The following EML5 variants were observed in gnomAD, a reference collection of about 807,000 sequenced individuals.
The protein encoded by EML5 is EMAP like 5, also known as echinoderm microtubule-associated protein-like 5.
In EML5, 120 loss-of-function variants were observed where a neutral mutation model predicts 250.0. The ratio of observed to expected loss-of-function variants is 0.48; its 90% CI spans 0.41 to 0.56. The LOEUF (loss-of-function observed/expected upper bound fraction) is 0.56, where lower values mean the gene tolerates loss of function less well. Among genes scored for constraint, EML5 ranks in the 20% least tolerant of loss-of-function variants. EML5 has a pLI of 0.00. For synonymous variants in EML5, 771 were observed against 806.5 expected, an observed-to-expected ratio of 0.96 and a Z score of 0.75; for missense variants, 2,006 against 2,437.6, an observed-to-expected ratio of 0.82 and a Z score of 3.73.
At chr14:88,689,547 A>ATTCCTTCCTTCC (rs200722411) in intron 17 of EML5, among the ~76,000 whole-genome samples, 1 of 152,000 alleles carries the variant, frequency 6.6e-6, no homozygotes, top group Admixed American at 6.6e-5. Context: ...GGACTCACAA[A>ATTCCTTCCTTCC]TTCCTTCCTT....
intron 23 of EML5, among the ~76,000 whole-genome samples, chr14:88,663,497 C>T (rs571841381): frequency 6.6e-6 from 1 of 152,054 alleles, no homozygotes; most frequent in South Asian, 2.1e-4. Flanking sequence ...ACAATAACAT[C>T]CTTAAAAAGA....
rs1452219634 is a variant in EML5, at chr14:88,712,312, T to G, written c.1616A>C (p.Tyr539Ser). The G allele has an allele frequency of 1.2e-6, 2 of 1,612,296 alleles. No homozygotes were observed. Among genetic ancestry groups the G allele is most frequent in the Admixed American group, 3.3e-5 (2 of 59,996 alleles). ...ATATCGGAATAATTTTATAATTCCA[T>G]AGTCATCAGCTGTAACTAAAACTTG... ...IGQVLVTADD[Y>S]GIIKLFRYPC... is the part of the protein sequence containing the mutation. Residue 539 changes from tyrosine to serine, a missense_variant, in exon 10 of 44, where the codon TAT (tyrosine) becomes TCT (serine). By Grantham distance (144) the Tyr-to-Ser change is moderately radical. Coordinates refer to ENST00000554922, the MANE Select transcript of EML5 (RefSeq NM_183387.3).
intron 1 of EML5, among the ~76,000 whole-genome samples, chr14:88,762,402 C>T (rs907705863): frequency 2.0e-5 from 3 of 151,828 alleles, no homozygotes; most frequent in Non-Finnish European, 4.4e-5. Flanking sequence ...CCCAGCTACT[C>T]GGGAGGCTGA....
chr14:88,659,365 C>T (rs536627802), intron 25 of EML5, among the ~76,000 whole-genome samples: 5 of 152,020 alleles, frequency 3.3e-5, no homozygotes, highest in South Asian at 2.1e-4. Context: ...GACCCGCCAC[C>T]GTGCCCAGCT....
chr14:88,624,676 C>T (rs2089644219), intron 36 of EML5: 1 of 277,504 alleles, frequency 3.6e-6, no homozygotes, highest in Non-Finnish European at 6.7e-6. Flanking sequence ...GCCTCCTACT[C>T]AGCAAATCAT....
chr14:88,731,115 A>G (rs966193147), intron 7 of EML5, among the ~76,000 whole-genome samples: 1 of 152,128 alleles, frequency 6.6e-6, no homozygotes, highest in African/African-American at 2.4e-5. Context: ...ACATGTGTAC[A>G]ATGTGCAGGT....
At chr14:88,773,246 G>T (rs1219564190) in intron 1 of EML5, among the ~76,000 whole-genome samples, 1 of 152,162 alleles carries the variant, frequency 6.6e-6, no homozygotes, top group Non-Finnish European at 1.5e-5. Flanking sequence ...GACCTTCCAG[G>T]TTCCCTGTGA....
chr14:88,728,685 C>G (rs2093705384), intron 7 of EML5, among the ~76,000 whole-genome samples: 1 of 151,970 alleles, frequency 6.6e-6, no homozygotes, highest in African/African-American at 2.4e-5. Flanking sequence ...GAAAATCCAC[C>G]TATAAGTGGA....
rs564764019 is a variant in EML5, at chr14:88,627,544, G to C, written c.4531+102C>G. The C allele has an allele frequency of 1.1e-4, 134 of 1,217,380 alleles. No individual in the cohort carries two copies. In the Admixed American group the frequency reaches 3.5e-3, roughly 31 times the overall value. 75.4% of individuals were successfully genotyped at this position (1,217,380 alleles called of 1,614,324 possible). On this transcript the variant is annotated intron_variant, in intron 34 of 43. Transcript: ENST00000554922. The stretch of plus-strand genomic sequence containing the variant: ...TATATTGCATAGGCCTCCACTGAAT[G>C]ATTGTTTCAACCACCAACTTTAAGA...
At chr14:88,764,325 C>A (rs1487007341) in intron 1 of EML5, among the ~76,000 whole-genome samples, 1 of 152,118 alleles carries the variant, frequency 6.6e-6, no homozygotes, top group Non-Finnish European at 1.5e-5. Flanking sequence ...GAATTGGAAT[C>A]ATTTATTCTT....
chr14:88,673,649 C>T (rs977620713), intron 21 of EML5, among the ~76,000 whole-genome samples: 2 of 152,182 alleles, frequency 1.3e-5, no homozygotes, highest in African/African-American at 2.4e-5. Context: ...AGCCCAAAAG[C>T]TTCTTAAGCT....
intron 5 of EML5, 89 bp from the exon 6 acceptor site, chr14:88,739,103 C>A: frequency 7.9e-7 from 1 of 1,266,014 alleles, no homozygotes. Context: ...ACCAATTTAA[C>A]AATATTTTGG....
At chr14:88,688,958 T>C (rs148353591) in intron 17 of EML5, among the ~76,000 whole-genome samples, 83 of 152,350 alleles carry the variant, frequency 5.4e-4, no homozygotes, top group African/African-American at 1.9e-3. Flanking sequence ...AGCAATCTCA[T>C]TTTTCATGTT....
At chr14:88,698,317 G>C (rs1023993842) in intron 14 of EML5, among the ~76,000 whole-genome samples, 3 of 138,778 alleles carry the variant, frequency 2.2e-5, no homozygotes, top group African/African-American at 8.3e-5. Context: ...CCCTGCTGAA[G>C]TGAAATGGCA....
Position 88,615,587 on chromosome 14 carries a change from C to G in EML5, c.*231G>C. 1 of 469,518 alleles carries G rather than the reference C, an allele frequency of 2.1e-6. No homozygotes were observed. Among genetic ancestry groups the G allele is most frequent in the Non-Finnish European group, 3.7e-6 (1 of 267,884 alleles). 29.1% of individuals were successfully genotyped at this position (469,518 alleles called of 1,614,324 possible). A position where few individuals can be genotyped will look rare whatever the true frequency, so the allele number is the denominator to read the frequency against. On this transcript the variant is annotated 3_prime_UTR_variant, in exon 44 of 44. Transcript: ENST00000554922. ...GACTTGGCCTTTACCATCAAGTATT[C>G]GATCCTTCCTTGAAATGGCATTATC...
chr14:88,648,370 T>C (rs1343673638), intron 28 of EML5, among the ~76,000 whole-genome samples: 1 of 152,162 alleles, frequency 6.6e-6, no homozygotes, highest in Non-Finnish European at 1.5e-5. Flanking sequence ...TTATATTTTT[T>C]TGAGACAGGG....
chr14:88,732,531 A>G (rs1032454515), intron 7 of EML5, among the ~76,000 whole-genome samples: 2 of 152,106 alleles, frequency 1.3e-5, no homozygotes, highest in African/African-American at 4.8e-5. Context: ...TTGGCTTAGG[A>G]TTGTCTTGGC....
At chr14:88,631,810 A>G (rs2090455998) in intron 33 of EML5, among the ~76,000 whole-genome samples, 1 of 152,100 alleles carries the variant, frequency 6.6e-6, no homozygotes, top group South Asian at 2.1e-4. Context: ...CCAAAGTGCT[A>G]TGATTACAGG....
chr14:88,747,906 C>T (rs967964369), intron 2 of EML5, among the ~76,000 whole-genome samples: 60 of 142,178 alleles, frequency 4.2e-4, no homozygotes, highest in African/African-American at 1.5e-3. Flanking sequence ...CTGCCATAAA[C>T]AGCTAGAAAC....
Sources: allele counts gnomAD v4.1 joint callset (sites outside exome capture counted in the v4.1 genomes callset), GRCh38; gene constraint gnomAD v4.1.1; transcripts MANE v1.5; gene names NCBI Gene and HGNC (gene_info 2026-07-23, HGNC 2026-07-21).